UST: variants seen among roughly 807,000 people sequenced by gnomAD.
The protein encoded by UST is chondroitin sulfate 2-O-sulfotransferase.
A neutral mutation model predicts 45.6 loss-of-function variants in UST; 21 were observed. The ratio of observed to expected loss-of-function variants is 0.46; its 90% CI spans 0.33 to 0.66. The LOEUF is 0.66. UST is among the 30% of genes least tolerant of loss of function. The pLI, the probability that UST is intolerant of heterozygous loss-of-function variation, is 0.02. For missense variants in UST, 463 were observed against 512.4 expected, an observed-to-expected ratio of 0.90 and a Z score of 0.93; for synonymous variants, 215 against 200.6, an observed-to-expected ratio of 1.07 and a Z score of -0.61.
chr6:148,820,510 C>T (rs1026802987), intron 1 of UST, among the ~76,000 whole-genome samples: 2 of 152,004 alleles, frequency 1.3e-5, no homozygotes, highest in African/African-American at 4.8e-5. Context: ...GGATATTAAC[C>T]TCGATATAAC....
At chr6:148,987,320 T>G (rs1052684196) in intron 5 of UST, among the ~76,000 whole-genome samples, 2 of 152,176 alleles carry the variant, frequency 1.3e-5, no homozygotes, top group African/African-American at 2.4e-5. Flanking sequence ...GACTCTTCTC[T>G]CACTGCGTCT....
chr6:149,068,989 C>T (rs1041886631), intron 7 of UST, among the ~76,000 whole-genome samples: 17 of 152,180 alleles, frequency 1.1e-4, no homozygotes, highest in Admixed American at 7.2e-4. Context: ...TGAAAATACA[C>T]GATCTTTGTC....
intron 1 of UST, among the ~76,000 whole-genome samples, chr6:148,858,144 A>T (rs1778240584): frequency 6.6e-6 from 1 of 152,208 alleles, no homozygotes; most frequent in African/African-American, 2.4e-5. Context: ...ATTAAGGAGT[A>T]TTGACTCACA....
At chr6:148,958,123 C>A (rs1780560978) in intron 4 of UST, among the ~76,000 whole-genome samples, 1 of 152,128 alleles carries the variant, frequency 6.6e-6, no homozygotes, top group Non-Finnish European at 1.5e-5. Context: ...TTTAGACAGT[C>A]TTGAGTCATG....
intron 1 of UST, among the ~76,000 whole-genome samples, chr6:148,856,453 G>C (rs761109539): frequency 2.6e-5 from 4 of 152,152 alleles, no homozygotes; most frequent in Admixed American, 6.6e-5. Context: ...ATCAAAGTAC[G>C]CATCTACTAA....
chr6:148,803,872 A>G (rs890727681), intron 1 of UST, among the ~76,000 whole-genome samples: 1 of 152,162 alleles, frequency 6.6e-6, no homozygotes, highest in African/African-American at 2.4e-5. Flanking sequence ...ATAGTCTGAC[A>G]TTACTTAACC....
At chr6:148,925,530 A>G (rs1381401869) in intron 2 of UST, among the ~76,000 whole-genome samples, 1 of 152,244 alleles carries the variant, frequency 6.6e-6, no homozygotes, top group African/African-American at 2.4e-5. Context: ...GTTGTTTGCA[A>G]ACATTGCCCA....
chr6:149,065,285 G>A (rs1036793839), intron 7 of UST, among the ~76,000 whole-genome samples: 1 of 152,232 alleles, frequency 6.6e-6, no homozygotes, highest in African/African-American at 2.4e-5. Context: ...GCAGTCTGGA[G>A]AGAGGCTGAT....
chr6:148,817,438 C>T (rs1003227092), intron 1 of UST, among the ~76,000 whole-genome samples: 1 of 152,162 alleles, frequency 6.6e-6, no homozygotes, highest in African/African-American at 2.4e-5. Context: ...CCTGAGAACA[C>T]GTGCCCAAGG....
At position 148,773,736 on chromosome 6, in the gene UST, A is replaced by G. The variant is rs778159564; in HGVS notation, c.247+26059A>G. Among the ~76,000 whole-genome samples the G allele has an allele frequency of 2.6e-5, 4 of 151,864 alleles. No homozygotes were observed. In the East Asian group the frequency reaches 7.7e-4, roughly 29 times the overall value. ...GGACAGTGTGAGGGACAGATGTCAGAGTGAAGGTGTGAATTTGCACCAAAT... is the reference window on the plus strand; with the variant it reads ...GGACAGTGTGAGGGACAGATGTCAGGGTGAAGGTGTGAATTTGCACCAAAT... On this transcript the variant is annotated intron_variant, in intron 1 of 7. Transcript: ENST00000367463.
chr6:148,914,379 T>C (rs1029414855), intron 2 of UST, among the ~76,000 whole-genome samples: 9 of 148,700 alleles, frequency 6.1e-5, no homozygotes, highest in African/African-American at 2.3e-4. Context: ...GTGTGGAAGA[T>C]AATTTTTCCA....
At chr6:148,823,864 C>T (rs1777515962) in intron 1 of UST, among the ~76,000 whole-genome samples, 1 of 152,166 alleles carries the variant, frequency 6.6e-6, no homozygotes, top group African/African-American at 2.4e-5. Flanking sequence ...GCTATTCCTC[C>T]TCCAGGTAGA....
chr6:148,747,574 C>G lies in UST; in HGVS notation c.144C>G (p.Tyr48Ter), dbSNP rs766415442. The G allele has an allele frequency of 6.3e-7, 1 of 1,587,250 alleles. No homozygotes were observed. The highest frequency in any genetic ancestry group is 8.6e-7 in the Non-Finnish European group (1 of 1,168,408). ...LPFLRFSLRD[Y>*]GFCMATLLVF... ...TCCTGCGCTTCTCCCTCCGGGACTA[C>G]GGCTTCTGCATGGCCACCCTGCTGG... The change falls in exon 1 of 8, where the codon TAC (tyrosine) becomes TAG (stop). Residue 48 changes from tyrosine to a stop codon, truncating the protein, a stop_gained. Coordinates refer to ENST00000367463, the MANE Select transcript of UST (RefSeq NM_005715.3). LOFTEE classifies it high-confidence loss of function.
intron 1 of UST, among the ~76,000 whole-genome samples, chr6:148,773,549 G>C (rs1776473888): frequency 6.6e-6 from 1 of 152,082 alleles, no homozygotes. Context: ...AAGTATAAAT[G>C]AGGTAAATGC....
intron 1 of UST, among the ~76,000 whole-genome samples, chr6:148,851,932 C>T (rs1235844955): frequency 1.3e-5 from 2 of 152,194 alleles, no homozygotes; most frequent in African/African-American, 4.8e-5. Context: ...CCTGATGAGG[C>T]CGAGTGAGTG....
Position 148,965,217 on chromosome 6 carries a change from GCA to G in UST, c.681+657_681+658del, listed in dbSNP as rs571724308. On this transcript the variant is annotated intron_variant, in intron 5 of 7. Coordinates refer to ENST00000367463, the MANE Select transcript of UST (RefSeq NM_005715.3). ...CTCGAGCCCAGTAATTATTTCCGCA[GCA>G]CAGAGGTTGGTAACAAAAACGGAGG... 1.4e-4 allele frequency among the ~76,000 whole-genome samples: 21 copies of G among 152,330 alleles called. No homozygotes were observed. In the South Asian group the frequency reaches 4.1e-3, roughly 30 times the overall value.
At chr6:149,006,307 G>C (rs1775694908) in intron 5 of UST, among the ~76,000 whole-genome samples, 1 of 151,898 alleles carries the variant, frequency 6.6e-6, no homozygotes, top group Admixed American at 6.6e-5. Flanking sequence ...TCATTGTTCA[G>C]CTCCCACTTA....
chr6:148,987,553 A>G (rs1781261501), intron 5 of UST, among the ~76,000 whole-genome samples: 1 of 152,252 alleles, frequency 6.6e-6, no homozygotes, highest in Non-Finnish European at 1.5e-5. Flanking sequence ...GCTTCCTTCC[A>G]GATGAAAAAG....
intron 1 of UST, 47 bp downstream of exon 1, chr6:148,747,724 T>G: frequency 6.6e-7 from 1 of 1,517,260 alleles, no homozygotes. Flanking sequence ...AGCGCAAAGT[T>G]GTGCGGCGGG....
Sources: allele counts gnomAD v4.1 joint callset (sites outside exome capture counted in the v4.1 genomes callset), GRCh38; gene constraint gnomAD v4.1.1; transcripts MANE v1.5; gene names NCBI Gene and HGNC (gene_info 2026-07-23, HGNC 2026-07-21).